LMCD1: variants seen among roughly 807,000 people sequenced by gnomAD.
LMCD1 encodes the protein LIM and cysteine-rich domains protein 1.
Under a neutral mutation model 42.7 loss-of-function variants are expected in LMCD1, and 32 were observed. The ratio of observed to expected loss-of-function variants is 0.75; its 90% CI spans 0.57 to 1.01. The LOEUF (loss-of-function observed/expected upper bound fraction) is 1.01, where lower values mean the gene tolerates loss of function less well. LMCD1 is among the 50% of genes least tolerant of loss of function. LMCD1 has a pLI of 0.00. For missense variants in LMCD1, 458 were observed against 483.1 expected (o/e 0.95, Z 0.49); for synonymous variants, 178 against 184.9 (o/e 0.96, Z 0.30).
At chr3:8,554,812 G>T (rs923218298) in intron 4 of LMCD1, among the ~76,000 whole-genome samples, 5 of 152,120 alleles carry the variant, frequency 3.3e-5, no homozygotes, top group African/African-American at 7.2e-5. Flanking sequence ...AGATTTCCCG[G>T]GTATGGTCAT....
chr3:8,550,019 C>A, intron 4 of LMCD1: 2 of 1,515,884 alleles, frequency 1.3e-6, no homozygotes, highest in Middle Eastern at 2.1e-4. Context: ...TATGTTTCAA[C>A]CTGAGTGTTT....
At chr3:8,562,788 C>A (rs1374935949) in intron 4 of LMCD1, among the ~76,000 whole-genome samples, 1 of 152,200 alleles carries the variant, frequency 6.6e-6, no homozygotes, top group African/African-American at 2.4e-5. Context: ...TGCCTCCACA[C>A]ACACAAAGCT....
chr3:8,557,561 T>C (rs1694947896), intron 4 of LMCD1, among the ~76,000 whole-genome samples: 1 of 152,216 alleles, frequency 6.6e-6, no homozygotes, highest in Non-Finnish European at 1.5e-5. Context: ...TCATATCTGC[T>C]GATCCCTCTC....
chr3:8,518,627 A>G (rs2125014937), intron 1 of LMCD1, among the ~76,000 whole-genome samples: 1 of 152,312 alleles, frequency 6.6e-6, no homozygotes, highest in South Asian at 2.1e-4. Flanking sequence ...TAGGAGAAGC[A>G]GGGAGAGAGC....
At chr3:8,520,764 A>G (rs1284315236) in intron 1 of LMCD1, among the ~76,000 whole-genome samples, 1 of 152,228 alleles carries the variant, frequency 6.6e-6, no homozygotes. Context: ...CTTTTGCCCT[A>G]TAGGAATCCC....
intron 1 of LMCD1, among the ~76,000 whole-genome samples, chr3:8,531,953 C>A (rs937514954): frequency 4.6e-5 from 7 of 152,176 alleles, no homozygotes; most frequent in African/African-American, 1.7e-4. Flanking sequence ...TATTACTAAC[C>A]CACTTCTTCT....
intron 1 of LMCD1, among the ~76,000 whole-genome samples, chr3:8,510,792 G>T (rs369365252): frequency 4.5e-4 from 68 of 152,282 alleles, no homozygotes; most frequent in African/African-American, 1.6e-3. Context: ...TACTATCTCA[G>T]TAATATTGGT....
chr3:8,538,776 C>T (rs565955261), intron 3 of LMCD1, among the ~76,000 whole-genome samples: 100 of 151,256 alleles, frequency 6.6e-4, no homozygotes, highest in African/African-American at 2.4e-3. Flanking sequence ...TTTTTCTGTG[C>T]CTAGATATGA....
intron 1 of LMCD1, among the ~76,000 whole-genome samples, chr3:8,505,109 A>G (rs1165207171): frequency 6.6e-6 from 1 of 152,222 alleles, no homozygotes; most frequent in African/African-American, 2.4e-5. Flanking sequence ...TAGCCATGGC[A>G]GTCCTTGGTG....
rs1695253996 is a variant in LMCD1, at chr3:8,573,557, G to C, written c.*5959G>C. ...GATGAAACTATGCAATGGCATGGCT[G>C]TTGGTCATTCACATCTCTCTCTGCC... On this transcript the variant is annotated 3_prime_UTR_variant, in exon 6 of 6. Coordinates refer to ENST00000157600, the MANE Select transcript of LMCD1 (RefSeq NM_014583.4). 1 of 152,228 alleles carries C rather than the reference G, an allele frequency of 6.6e-6. No individual in the cohort carries two copies. The highest frequency in any genetic ancestry group is 1.5e-5 in the Non-Finnish European group (1 of 68,036). The allele number at this position is 152,228 out of a possible 1,614,324, so 9.4% of individuals were successfully genotyped here.
At position 8,573,878 on chromosome 3, in the gene LMCD1, A is replaced by T. The variant is rs1695258949; in HGVS notation, c.*6280A>T. ...TCCAATTAAAACTGGTTTAAACCTA[A>T]AAAAAAAAAAAAGAAGAAAAGAAAA... On this transcript the variant is annotated 3_prime_UTR_variant, in exon 6 of 6. Transcript: ENST00000157600. 1.9e-5 allele frequency: 1 copy of T among 52,516 alleles called. No individual in the cohort carries two copies. Among genetic ancestry groups the T allele is most frequent in the South Asian group, 5.5e-4 (1 of 1,824 alleles). 3.3% of individuals were successfully genotyped at this position (52,516 alleles called of 1,614,324 possible). A position where few individuals can be genotyped will look rare whatever the true frequency, so the allele number is the denominator to read the frequency against.
At chr3:8,549,781 G>C in intron 4 of LMCD1, 1 of 702,006 alleles carries the variant, frequency 1.4e-6, no homozygotes, top group Non-Finnish European at 2.6e-6. Flanking sequence ...CTTCTTCCTG[G>C]TGAGCACTCT....
At chr3:8,562,076 G>C (rs1352705730) in intron 4 of LMCD1, among the ~76,000 whole-genome samples, 1 of 152,126 alleles carries the variant, frequency 6.6e-6, no homozygotes. Context: ...GAAATCTAGA[G>C]CTCTCACAGA....
chr3:8,535,414 A>T (rs1222234641), intron 2 of LMCD1, among the ~76,000 whole-genome samples: 2 of 152,132 alleles, frequency 1.3e-5, no homozygotes, highest in African/African-American at 2.4e-5. Flanking sequence ...CATCCTTGAG[A>T]TTGTCAATTT....
intron 3 of LMCD1, among the ~76,000 whole-genome samples, chr3:8,539,652 C>T (rs1249600970): frequency 1.3e-5 from 2 of 152,076 alleles, no homozygotes; most frequent in Non-Finnish European, 2.9e-5. Flanking sequence ...CAGGGGAAGC[C>T]ATCGTCAGGC....
chr3:8,520,516 C>G (rs989270699), intron 1 of LMCD1, among the ~76,000 whole-genome samples: 2 of 152,070 alleles, frequency 1.3e-5, no homozygotes, highest in Non-Finnish European at 2.9e-5. Context: ...GTAAGGGGTC[C>G]CCACAGGGAC....
At chr3:8,529,987 G>A (rs1255224178) in intron 1 of LMCD1, among the ~76,000 whole-genome samples, 1 of 152,168 alleles carries the variant, frequency 6.6e-6, no homozygotes, top group African/African-American at 2.4e-5. Flanking sequence ...AACTCAACAA[G>A]CCTACTTGCC....
chr3:8,528,303 C>G (rs1173120301), intron 1 of LMCD1, among the ~76,000 whole-genome samples: 1 of 152,130 alleles, frequency 6.6e-6, no homozygotes, highest in South Asian at 2.1e-4. Context: ...ATCCTCCAGC[C>G]TCAGCCTCTC....
At chr3:8,548,954 C>T in intron 4 of LMCD1, 51 bp downstream of exon 4, 1 of 1,373,162 alleles carries the variant, frequency 7.3e-7, no homozygotes, top group Non-Finnish European at 9.7e-7. Flanking sequence ...AGGCCCAGGG[C>T]TGGACAGTCA....
Sources: gnomAD v4.1 joint callset for allele counts (sites outside exome capture counted in the v4.1 genomes callset) on GRCh38, gnomAD v4.1.1 for gene constraint, MANE v1.5 for transcripts, NCBI Gene and HGNC (gene_info 2026-07-23, HGNC 2026-07-21) for gene names.